Variants in CREB3L2 observed in about 807,000 individuals in gnomAD.
CREB3L2 encodes the protein cAMP responsive element binding protein 3 like 2, also known as cyclic AMP-responsive element-binding protein 3-like protein 2.
A neutral mutation model predicts 57.2 loss-of-function variants in CREB3L2; 23 were observed. The ratio of observed to expected loss-of-function variants is 0.40; its 90% CI spans 0.29 to 0.57. CREB3L2 has a LOEUF of 0.57. Among genes scored for constraint, CREB3L2 ranks in the 20% least tolerant of loss-of-function variants. The pLI is 0.42. For synonymous variants in CREB3L2, 268 were observed against 265.1 expected (o/e 1.01, Z -0.11); for missense variants, 628 against 634.7 (o/e 0.99, Z 0.11).
intron 8 of CREB3L2, among the ~76,000 whole-genome samples, chr7:137,897,368 GATT>G (rs747081327): frequency 1.3e-5 from 2 of 152,050 alleles, no homozygotes; most frequent in African/African-American, 2.4e-5. Context: ...GCATGAAGTA[GATT>G]ATTATTATTA....
chr7:137,987,605 T>C (rs762720227), intron 1 of CREB3L2, among the ~76,000 whole-genome samples: 3 of 152,204 alleles, frequency 2.0e-5, no homozygotes, highest in Admixed American at 1.3e-4. Flanking sequence ...ACAGGTTTTG[T>C]GTGTTGGGGA....
At chr7:137,932,286 TA>T (rs962908463) in intron 1 of CREB3L2, among the ~76,000 whole-genome samples, 2 of 152,054 alleles carry the variant, frequency 1.3e-5, no homozygotes, top group African/African-American at 2.4e-5. Context: ...TGTAACATTG[TA>T]AAAAAAATTC....
chr7:137,894,411 T>C (rs1585598835), intron 8 of CREB3L2, among the ~76,000 whole-genome samples: 1 of 152,174 alleles, frequency 6.6e-6, no homozygotes, highest in African/African-American at 2.4e-5. Context: ...TAAGGCTAAA[T>C]TGAATCCAGA....
chr7:137,939,291 G>A (rs1800842997), intron 1 of CREB3L2, among the ~76,000 whole-genome samples: 1 of 152,154 alleles, frequency 6.6e-6, no homozygotes, highest in Non-Finnish European at 1.5e-5. Context: ...GAGACAGTGG[G>A]GCAGCCTGGA....
chr7:137,902,890 C>T (rs1799793855), intron 7 of CREB3L2, among the ~76,000 whole-genome samples: 1 of 152,064 alleles, frequency 6.6e-6, no homozygotes, highest in African/African-American at 2.4e-5. Flanking sequence ...AATCACAGCT[C>T]ACTGCAGCCT....
intron 1 of CREB3L2, among the ~76,000 whole-genome samples, chr7:137,947,559 C>G (rs1457542855): frequency 6.6e-6 from 1 of 152,150 alleles, no homozygotes; most frequent in African/African-American, 2.4e-5. Flanking sequence ...ATTTGCCCCC[C>G]TTGGCTCACT....
intron 2 of CREB3L2, chr7:137,922,499 C>G: frequency 3.7e-6 from 1 of 268,742 alleles, no homozygotes; most frequent in Non-Finnish European, 7.6e-6. Context: ...CACACACACA[C>G]ACACACACAA....
intron 1 of CREB3L2, among the ~76,000 whole-genome samples, chr7:138,000,217 T>C (rs564118063): frequency 6.6e-6 from 1 of 152,320 alleles, no homozygotes; most frequent in East Asian, 1.9e-4. Context: ...TGCATATGGA[T>C]AAAATGTAGC....
At chr7:137,889,549 T>C (rs1799493414) in intron 8 of CREB3L2, among the ~76,000 whole-genome samples, 1 of 152,238 alleles carries the variant, frequency 6.6e-6, no homozygotes, top group Non-Finnish European at 1.5e-5. Context: ...TACACATTTT[T>C]AGTTCGAAAT....
chr7:137,883,951 G>A (rs540240801), intron 10 of CREB3L2, among the ~76,000 whole-genome samples: 54 of 152,104 alleles, frequency 3.6e-4, no homozygotes, highest in African/African-American at 7.2e-4. Flanking sequence ...ATCTGACACC[G>A]GAGTCCCCAT....
At chr7:137,962,306 T>C (rs966431607) in intron 1 of CREB3L2, among the ~76,000 whole-genome samples, 2 of 152,144 alleles carry the variant, frequency 1.3e-5, no homozygotes, top group Non-Finnish European at 2.9e-5. Context: ...CCTTAAAGCA[T>C]TGGAAGGCTG....
At chr7:137,948,513 C>G (rs778803445) in intron 1 of CREB3L2, among the ~76,000 whole-genome samples, 12 of 152,172 alleles carry the variant, frequency 7.9e-5, no homozygotes, top group Non-Finnish European at 1.0e-4. Context: ...CATGTCCCTA[C>G]TAAATTTCTC....
At chr7:137,922,473 CACAT>C (rs1800348810) in intron 2 of CREB3L2, 2 of 145,252 alleles carry the variant, frequency 1.4e-5, no homozygotes, top group Admixed American at 7.3e-5. Context: ...TATATATACA[CACAT>C]ATATATATAC....
chr7:137,898,535 T>C (rs895520103), intron 8 of CREB3L2, among the ~76,000 whole-genome samples: 1 of 152,250 alleles, frequency 6.6e-6, no homozygotes, highest in Non-Finnish European at 1.5e-5. Context: ...TAGAATTCTA[T>C]AAGGCTACTT....
chr7:137,929,426 G>A (rs757368846), intron 1 of CREB3L2, among the ~76,000 whole-genome samples: 5 of 151,934 alleles, frequency 3.3e-5, no homozygotes, highest in East Asian at 1.9e-4. Context: ...CAGCATTCCC[G>A]GCCTCCACCC....
chr7:137,934,369 T>C (rs969373139), intron 1 of CREB3L2, among the ~76,000 whole-genome samples: 1 of 152,238 alleles, frequency 6.6e-6, no homozygotes, highest in South Asian at 2.1e-4. Flanking sequence ...ATAATGATGT[T>C]GTCAGGATTA....
At chr7:137,972,732 TATATAGAGAGAGAGAGAGAG>T (rs1190270226) in intron 1 of CREB3L2, among the ~76,000 whole-genome samples, 8 of 26,806 alleles carry the variant, frequency 3.0e-4, no homozygotes, top group African/African-American at 1.4e-3. Context: ...TATATATATA[TATATAGAGAGAGAGAGAGAG>T]AGAGAGAGAG....
intron 1 of CREB3L2, among the ~76,000 whole-genome samples, chr7:137,930,706 T>C (rs990653106): frequency 2.6e-5 from 4 of 152,172 alleles, no homozygotes; most frequent in African/African-American, 9.7e-5. Context: ...GCATGTCCTA[T>C]AGGCATGATT....
chr7:137,899,096 A>AGAAGGAAGGAAGGAAGGAAG lies in CREB3L2; in HGVS notation c.1043+2238_1043+2257dup, dbSNP rs200596273. Among the ~76,000 whole-genome samples the AGAAGGAAGGAAGGAAGGAAG allele has an allele frequency of 3.5e-3, 292 of 83,814 alleles. 5 individuals carry two copies. The highest frequency in any genetic ancestry group is 6.2e-3 in the African/African-American group (98 of 15,772). 55.0% of individuals were successfully genotyped at this position (83,814 alleles called of 152,430 possible). A position where few individuals can be genotyped will look rare whatever the true frequency, so the allele number is the denominator to read the frequency against. ...GAAAGAAAAGGAAGAAAAAGGAAAG[A>AGAAGGAAGGAAGGAAGGAAG]GAAGGAAGGAAGGAAGGAAGGAAGG... On this transcript the variant is annotated intron_variant, in intron 8 of 11. Transcript: ENST00000330387.
Sources: gnomAD v4.1 joint callset for allele counts (sites outside exome capture counted in the v4.1 genomes callset) on GRCh38, gnomAD v4.1.1 for gene constraint, MANE v1.5 for transcripts, NCBI Gene and HGNC (gene_info 2026-07-23, HGNC 2026-07-21) for gene names.